Variants in RICTOR observed in about 807,000 individuals in gnomAD.
The protein encoded by RICTOR is rapamycin-insensitive companion of mTOR.
In RICTOR, 49 loss-of-function variants were observed where a neutral mutation model predicts 214.9. The observed-to-expected ratio is 0.23, with a 90% CI of 0.18 to 0.29. The LOEUF (loss-of-function observed/expected upper bound fraction) is 0.29, where lower values mean the gene tolerates loss of function less well. Among genes scored for constraint, RICTOR ranks in the 10% least tolerant of loss-of-function variants. RICTOR has a pLI of 1.00. For synonymous variants in RICTOR, 717 were observed against 711.3 expected, an observed-to-expected ratio of 1.01 and a Z score of -0.13; for missense variants, 1,625 against 2,047.0, an observed-to-expected ratio of 0.79 and a Z score of 3.98.
intron 2 of RICTOR, among the ~76,000 whole-genome samples, chr5:39,046,199 GA>G (rs1003906833): frequency 2.9e-4 from 42 of 143,550 alleles, no homozygotes; most frequent in African/African-American, 7.1e-4. Context: ...AAAATTAGGG[GA>G]AAAAAAAAAC....
intron 7 of RICTOR, 42 bp from the exon 8 acceptor site, chr5:38,982,078 T>G (rs1239682669): frequency 7.1e-7 from 1 of 1,417,148 alleles, no homozygotes; most frequent in South Asian, 1.3e-5. Context: ...GGGGTAATTA[T>G]TAAAAGTAAT....
chr5:38,940,161 A>C lies in RICTOR; in HGVS notation c.*2143T>G, dbSNP rs1236907806. The C allele has an allele frequency of 1.3e-5, 3 of 229,628 alleles. No individual in the cohort carries two copies. Among genetic ancestry groups the C allele is most frequent in the Non-Finnish European group, 2.6e-5 (3 of 116,370 alleles). The allele number at this position is 229,628 out of a possible 1,614,324, so 14.2% of individuals were successfully genotyped here. ...AAAAAAACAAAAAAAAAAACACAAA[A>C]CATTCAGGCCAATACTAACTAAGCC... is the stretch of plus-strand genomic sequence containing the variant. On this transcript the variant is annotated 3_prime_UTR_variant, in exon 38 of 38. Transcript: ENST00000357387.
chr5:38,975,975 ACACT>A (rs1293725401), intron 9 of RICTOR, among the ~76,000 whole-genome samples: 1 of 152,214 alleles, frequency 6.6e-6, no homozygotes, highest in African/African-American at 2.4e-5. Context: ...TTAATCACAC[ACACT>A]GTTTACTTCA....
At chr5:38,960,866 T>C (rs958859370) in intron 19 of RICTOR, among the ~76,000 whole-genome samples, 2 of 152,176 alleles carry the variant, frequency 1.3e-5, no homozygotes, top group South Asian at 2.1e-4. Context: ...CACCAGCTTT[T>C]CCCCCTGTGC....
chr5:39,052,085 G>GT (rs1342267905), intron 2 of RICTOR, among the ~76,000 whole-genome samples: 1 of 152,120 alleles, frequency 6.6e-6, no homozygotes, highest in Non-Finnish European at 1.5e-5. Context: ...GATTGCAAGG[G>GT]TAAATAGGCC....
chr5:38,990,473 T>TA (rs142735942), intron 7 of RICTOR, among the ~76,000 whole-genome samples: 3,423 of 128,922 alleles, frequency 0.027, 139 homozygotes, highest in African/African-American at 0.092. Flanking sequence ...TCCCAGAACT[T>TA]AAAGTATAAT....
At chr5:39,008,547 T>C (rs1754246818) in intron 3 of RICTOR, among the ~76,000 whole-genome samples, 1 of 151,962 alleles carries the variant, frequency 6.6e-6, no homozygotes, top group South Asian at 2.1e-4. Flanking sequence ...TTACACAGGG[T>C]TGGGGGTTAG....
intron 28 of RICTOR, among the ~76,000 whole-genome samples, 172 bp downstream of exon 28, chr5:38,953,289 C>A (rs1486911682): frequency 2.0e-5 from 3 of 151,788 alleles, no homozygotes; most frequent in Admixed American, 6.6e-5. Flanking sequence ...ATAGTTCAAC[C>A]ATCTATTCTT....
chr5:39,073,996 G>T, intron 2 of RICTOR, 115 bp downstream of exon 2: 1 of 613,572 alleles, frequency 1.6e-6, no homozygotes, highest in Non-Finnish European at 2.2e-6. Context: ...TCCGGCTCTG[G>T]CCCCCGCACC....
chr5:39,066,791 G>A (rs1758937774), intron 2 of RICTOR, among the ~76,000 whole-genome samples: 1 of 152,336 alleles, frequency 6.6e-6, no homozygotes, highest in Non-Finnish European at 1.5e-5. Context: ...AGAATGAACA[G>A]AATGCAACCA....
intron 31 of RICTOR, chr5:38,949,418 A>C: frequency 6.3e-7 from 1 of 1,591,370 alleles, no homozygotes; most frequent in Non-Finnish European, 8.5e-7. Flanking sequence ...GCTTCTTTTT[A>C]AAATCGATCC....
At chr5:38,961,481 A>G (rs779673937) in intron 19 of RICTOR, among the ~76,000 whole-genome samples, 6 of 152,130 alleles carry the variant, frequency 3.9e-5, no homozygotes, top group Non-Finnish European at 5.9e-5. Flanking sequence ...TTTCAACATT[A>G]TATCTTTCAA....
chr5:38,960,607 A>T (rs1749712108), intron 19 of RICTOR, 74 bp from the exon 20 acceptor site: 1 of 1,437,658 alleles, frequency 7.0e-7, no homozygotes, highest in East Asian at 2.3e-5. Context: ...ATTACTTATG[A>T]CATAATAAGG....
At chr5:39,063,303 G>A (rs544842044) in intron 2 of RICTOR, among the ~76,000 whole-genome samples, 6 of 152,258 alleles carry the variant, frequency 3.9e-5, no homozygotes, top group Non-Finnish European at 7.4e-5. Flanking sequence ...AAGGCCAGAA[G>A]AGCCTGTCTG....
At chr5:39,063,138 G>C (rs983574139) in intron 2 of RICTOR, among the ~76,000 whole-genome samples, 3 of 152,082 alleles carry the variant, frequency 2.0e-5, no homozygotes, top group African/African-American at 7.2e-5. Context: ...GAAGGTGCAA[G>C]ACATATGCAC....
intron 3 of RICTOR, among the ~76,000 whole-genome samples, chr5:39,006,738 G>C (rs1754088751): frequency 1.5e-5 from 1 of 68,672 alleles, no homozygotes. Flanking sequence ...GAGAGGAGGG[G>C]AGAGGAGGGG....
In RICTOR at chr5:38,990,574, T is replaced by C. The variant is rs796277810; in HGVS notation, c.583+375A>G. On this transcript the variant is annotated intron_variant, in intron 7 of 37. Coordinates refer to ENST00000357387, the MANE Select transcript of RICTOR (RefSeq NM_152756.5). ...ATATACACGATATATACACGATATA[T>C]ATGATATATACATGATATATACGAT... Among the ~76,000 whole-genome samples the C allele has an allele frequency of 4.4e-4, 35 of 79,536 alleles. 1 individual carries two copies. The highest frequency in any genetic ancestry group is 9.9e-4 in the South Asian group (3 of 3,022). 52.2% of individuals were successfully genotyped at this position (79,536 alleles called of 152,430 possible). A position where few individuals can be genotyped will look rare whatever the true frequency, so the allele number is the denominator to read the frequency against.
chr5:38,939,632 C>T lies in RICTOR; in HGVS notation c.*2672G>A, dbSNP rs999134178. ...CAATTAGAAATAACAATTCACTTTA[C>T]GATTAGAAATTCATAGTTTACAACC... On this transcript the variant is annotated 3_prime_UTR_variant, in exon 38 of 38. Coordinates refer to ENST00000357387, the MANE Select transcript of RICTOR (RefSeq NM_152756.5). The T allele has an allele frequency of 2.2e-5, 5 of 229,046 alleles. No homozygotes were observed. The highest frequency in any genetic ancestry group is 1.1e-4 in the Admixed American group (2 of 17,632). The allele number at this position is 229,046 out of a possible 1,614,324, so 14.2% of individuals were successfully genotyped here. A position where few individuals can be genotyped will look rare whatever the true frequency, so the allele number is the denominator to read the frequency against.
intron 7 of RICTOR, among the ~76,000 whole-genome samples, chr5:38,987,626 C>T (rs1038594323): frequency 2.4e-4 from 37 of 152,034 alleles, no homozygotes; most frequent in African/African-American, 7.2e-4. Flanking sequence ...GTCTGGCTAG[C>T]GGTCTATTTT....
Sources: gnomAD v4.1 joint callset for allele counts (sites outside exome capture counted in the v4.1 genomes callset) on GRCh38, gnomAD v4.1.1 for gene constraint, MANE v1.5 for transcripts, NCBI Gene and HGNC (gene_info 2026-07-23, HGNC 2026-07-21) for gene names.